Variants in SHISA9 observed in about 807,000 individuals in gnomAD.
SHISA9 encodes protein shisa-9.
A neutral mutation model predicts 38.0 loss-of-function variants in SHISA9; 13 were observed. That is an observed-to-expected ratio of 0.34 (90% CI 0.22 to 0.54). SHISA9 has a LOEUF of 0.54. SHISA9 is among the 20% of genes least tolerant of loss of function. The pLI, the probability that SHISA9 is intolerant of heterozygous loss-of-function variation, is 0.91. For missense variants in SHISA9, 538 were observed against 575.8 expected, an observed-to-expected ratio of 0.93 and a Z score of 0.67; for synonymous variants, 275 against 242.0, an observed-to-expected ratio of 1.14 and a Z score of -1.27.
chr16:13,555,021 C>A, the SHISA9 span, among the ~76,000 whole-genome samples: 2 of 152,184 alleles, frequency 1.3e-5, no homozygotes, highest in Non-Finnish European at 2.9e-5. Flanking sequence ...ACGTTCAAGG[C>A]AACTTGAACT....
At chr16:13,304,219 T>C in the SHISA9 span, among the ~76,000 whole-genome samples, 5 of 152,226 alleles carry the variant, frequency 3.3e-5, no homozygotes, top group Non-Finnish European at 7.3e-5. Context: ...GCTGGATTTG[T>C]GTGAATGAAG....
the SHISA9 span, among the ~76,000 whole-genome samples, chr16:13,500,274 C>T: frequency 6.6e-5 from 10 of 152,246 alleles, no homozygotes; most frequent in Admixed American, 6.5e-4. Context: ...CTTCACCTTC[C>T]GCCATGATTT....
the SHISA9 span, among the ~76,000 whole-genome samples, chr16:13,412,000 G>T: frequency 6.6e-6 from 1 of 151,722 alleles, no homozygotes; most frequent in South Asian, 2.1e-4. Context: ...TTTTCAGAGG[G>T]GGATGATCCC....
At chr16:12,982,136 C>T (rs981828935) in intron 2 of SHISA9, among the ~76,000 whole-genome samples, 19 of 152,200 alleles carry the variant, frequency 1.2e-4, no homozygotes, top group African/African-American at 4.3e-4. Context: ...AAGAAACTTC[C>T]TCTGAGTCAT....
chr16:13,296,028 G>C, the SHISA9 span, among the ~76,000 whole-genome samples: 1 of 152,016 alleles, frequency 6.6e-6, no homozygotes, highest in African/African-American at 2.4e-5. Flanking sequence ...TGCCTTTCTT[G>C]CAAATCTGAA....
intron 2 of SHISA9, among the ~76,000 whole-genome samples, chr16:13,175,446 G>A (rs940134617): frequency 1.3e-5 from 2 of 152,140 alleles, no homozygotes; most frequent in Non-Finnish European, 2.9e-5. Context: ...GCTATAAGGA[G>A]TAAATGAGAG....
the SHISA9 span, among the ~76,000 whole-genome samples, chr16:13,441,734 C>T: frequency 1.4e-3 from 220 of 152,278 alleles, no homozygotes; most frequent in Non-Finnish European, 2.4e-3. Context: ...CTCTGGGTCT[C>T]GTTAGCCTGT....
chr16:13,320,563 G>C, the SHISA9 span, among the ~76,000 whole-genome samples: 4 of 152,178 alleles, frequency 2.6e-5, no homozygotes, highest in South Asian at 6.2e-4. Context: ...TTTTGTTTTT[G>C]TTGTTGTAGT....
chr16:13,140,178 T>TCCCCTC (rs1567225198), intron 2 of SHISA9, among the ~76,000 whole-genome samples: 2 of 99,936 alleles, frequency 2.0e-5, no homozygotes, highest in African/African-American at 8.2e-5. Context: ...CCCCTCCCCT[T>TCCCCTC]CCCTTCCCTT....
the SHISA9 span, among the ~76,000 whole-genome samples, chr16:13,440,734 C>T: frequency 1.3e-5 from 2 of 152,060 alleles, no homozygotes; most frequent in Non-Finnish European, 2.9e-5. Context: ...CCATCCTGCC[C>T]AACATGGTGA....
At chr16:13,163,173 A>T (rs1247335899) in intron 2 of SHISA9, among the ~76,000 whole-genome samples, 1 of 152,212 alleles carries the variant, frequency 6.6e-6, no homozygotes, top group Non-Finnish European at 1.5e-5. Flanking sequence ...CTAAGCATTT[A>T]GGTTTACACT....
the SHISA9 span, among the ~76,000 whole-genome samples, chr16:13,435,570 C>T: frequency 2.6e-5 from 4 of 152,150 alleles, no homozygotes; most frequent in African/African-American, 9.7e-5. Context: ...ACTATCCCAA[C>T]CCTTTGAAAA....
At chr16:13,534,629 C>T in the SHISA9 span, among the ~76,000 whole-genome samples, 6 of 152,210 alleles carry the variant, frequency 3.9e-5, no homozygotes, top group Non-Finnish European at 1.5e-5. Flanking sequence ...ATCTTTGACA[C>T]ATTTGACCAC....
At chr16:13,395,437 T>G in the SHISA9 span, among the ~76,000 whole-genome samples, 1,733 of 152,362 alleles carry the variant, frequency 0.011, 21 homozygotes, top group Non-Finnish European at 0.017. Flanking sequence ...AGGTCTCATA[T>G]GGCTGAAATT....
the SHISA9 span, among the ~76,000 whole-genome samples, chr16:13,369,783 C>T: frequency 6.6e-6 from 1 of 152,074 alleles, no homozygotes; most frequent in South Asian, 2.1e-4. Context: ...CAAAGAATGA[C>T]AAACACTGAG....
intron 2 of SHISA9, among the ~76,000 whole-genome samples, chr16:13,074,699 T>C: frequency 6.6e-6 from 1 of 150,946 alleles, no homozygotes; most frequent in Non-Finnish European, 1.5e-5. Flanking sequence ...AGTTTTGCTG[T>C]TGTCACCCAG....
the SHISA9 span, among the ~76,000 whole-genome samples, chr16:13,386,279 C>A: frequency 4.4e-4 from 67 of 152,134 alleles, 1 homozygote; most frequent in African/African-American, 1.4e-3. Context: ...TTATTTCTTA[C>A]AGATGTTAAA....
chr16:13,458,793 T>C, the SHISA9 span: 1 of 185,572 alleles, frequency 5.4e-6, no homozygotes, highest in African/African-American at 2.4e-5. Flanking sequence ...AATGTAAACA[T>C]TTAATATCTG....
At chr16:12,971,429 C>G (rs1052659223) in intron 2 of SHISA9, among the ~76,000 whole-genome samples, 4 of 152,208 alleles carry the variant, frequency 2.6e-5, no homozygotes, top group Non-Finnish European at 5.9e-5. Context: ...TGTCTCTTGG[C>G]TGGCTGCCCA....
Sources: allele counts gnomAD v4.1 joint callset (sites outside exome capture counted in the v4.1 genomes callset), GRCh38; gene constraint gnomAD v4.1.1; transcripts MANE v1.5; gene names NCBI Gene and HGNC (gene_info 2026-07-23, HGNC 2026-07-21).